Variants in CNTN6 observed in about 807,000 individuals in gnomAD.
The protein encoded by CNTN6 is contactin 6.
CNTN6 carries 137 observed loss-of-function variants against 122.8 expected under a neutral mutation model. The observed-to-expected ratio is 1.12, with a 90% confidence interval of 0.97 to 1.29. The LOEUF (loss-of-function observed/expected upper bound fraction) is 1.29. CNTN6 is among the 50% of genes most tolerant of loss of function. The pLI is 0.00. For missense variants in CNTN6, 1,634 were observed against 1,223.4 expected (o/e 1.34, Z -5.01); for synonymous variants, 570 against 426.0 (o/e 1.34, Z -4.16).
chr3:1,166,211 C>T (rs1334905708), intron 2 of CNTN6, among the ~76,000 whole-genome samples: 13 of 152,114 alleles, frequency 8.5e-5, no homozygotes, highest in Admixed American at 7.2e-4. Context: ...AAGGAGTTAT[C>T]GTGGGAGTGG....
chr3:1,214,553 AC>A (rs2094103025), intron 2 of CNTN6, among the ~76,000 whole-genome samples: 1 of 151,214 alleles, frequency 6.6e-6, no homozygotes, highest in South Asian at 2.1e-4. Context: ...CAGGCGATCC[AC>A]CCACCTCCAC....
At chr3:1,119,106 T>C (rs1470686377) in intron 1 of CNTN6, among the ~76,000 whole-genome samples, 1 of 151,998 alleles carries the variant, frequency 6.6e-6, no homozygotes, top group East Asian at 1.9e-4. Context: ...TTGGAAAGTG[T>C]GCCACAGGCT....
chr3:1,192,243 T>G (rs527623234), intron 2 of CNTN6, among the ~76,000 whole-genome samples: 1 of 152,296 alleles, frequency 6.6e-6, no homozygotes, highest in South Asian at 2.1e-4. Context: ...TTCTCACTTT[T>G]CTGAAGTGCT....
At chr3:1,368,471 A>G (rs1249230552) in intron 12 of CNTN6, among the ~76,000 whole-genome samples, 1 of 152,226 alleles carries the variant, frequency 6.6e-6, no homozygotes, top group Non-Finnish European at 1.5e-5. Context: ...ACTACAGTCT[A>G]TAAAACAGTC....
intron 1 of CNTN6, among the ~76,000 whole-genome samples, chr3:1,111,759 A>G (rs1027026550): frequency 2.6e-5 from 4 of 152,138 alleles, no homozygotes; most frequent in Non-Finnish European, 5.9e-5. Flanking sequence ...TGTTGTGGTA[A>G]AAAGGAAATA....
intron 2 of CNTN6, among the ~76,000 whole-genome samples, chr3:1,178,520 T>G (rs2093494497): frequency 1.3e-5 from 2 of 152,198 alleles, no homozygotes; most frequent in Non-Finnish European, 2.9e-5. Flanking sequence ...TAGAGTTATT[T>G]CAAATTCTCT....
At chr3:1,298,031 T>C (rs1696582907) in intron 7 of CNTN6, 40 bp downstream of exon 7, 26 of 1,468,004 alleles carry the variant, frequency 1.8e-5, no homozygotes, top group Non-Finnish European at 2.4e-5. Context: ...CTGGTTGCAT[T>C]AATTTTTTTT....
intron 2 of CNTN6, among the ~76,000 whole-genome samples, chr3:1,213,116 A>G (rs1403215988): frequency 1.3e-5 from 2 of 152,192 alleles, no homozygotes; most frequent in East Asian, 3.8e-4. Context: ...AAACTGCTGT[A>G]TGTATATATT....
At chr3:1,309,482 C>G (rs115731745) in intron 7 of CNTN6, among the ~76,000 whole-genome samples, 3 of 152,146 alleles carry the variant, frequency 2.0e-5, no homozygotes, top group African/African-American at 7.2e-5. Flanking sequence ...TTCCATTGCT[C>G]TGTCTATTCT....
chr3:1,107,816 A>G (rs1213572778), intron 1 of CNTN6, among the ~76,000 whole-genome samples: 1 of 152,042 alleles, frequency 6.6e-6, no homozygotes. Flanking sequence ...AATAATACCA[A>G]ATTGATATGC....
At chr3:1,338,577 G>A (rs532619452) in intron 11 of CNTN6, among the ~76,000 whole-genome samples, 1 of 152,094 alleles carries the variant, frequency 6.6e-6, no homozygotes, top group Admixed American at 6.6e-5. Flanking sequence ...CTATCTCACT[G>A]TTGAAGAGAT....
intron 1 of CNTN6, among the ~76,000 whole-genome samples, chr3:1,102,121 A>T (rs903035135): frequency 6.6e-6 from 1 of 152,322 alleles, no homozygotes; most frequent in East Asian, 1.9e-4. Context: ...AGAGGCCAAC[A>T]TGAATGAGCT....
At chr3:1,095,163 C>T (rs1344185117) in intron 1 of CNTN6, among the ~76,000 whole-genome samples, 1 of 136,356 alleles carries the variant, frequency 7.3e-6, no homozygotes, top group African/African-American at 3.7e-5. Flanking sequence ...GAGATCTTAT[C>T]CTACACTTAA....
intron 19 of CNTN6, among the ~76,000 whole-genome samples, chr3:1,385,348 A>G (rs1179709699): frequency 6.6e-6 from 1 of 151,854 alleles, no homozygotes; most frequent in Non-Finnish European, 1.5e-5. Flanking sequence ...TAGATAGCTC[A>G]TAAAATACTT....
At chr3:1,340,377 C>G (rs966087904) in intron 11 of CNTN6, among the ~76,000 whole-genome samples, 3 of 152,196 alleles carry the variant, frequency 2.0e-5, no homozygotes, top group Admixed American at 1.3e-4. Flanking sequence ...ACATGTTGTC[C>G]AAATACTGAT....
At chr3:1,272,251 C>G (rs1338827876) in intron 4 of CNTN6, among the ~76,000 whole-genome samples, 1 of 152,154 alleles carries the variant, frequency 6.6e-6, no homozygotes, top group Non-Finnish European at 1.5e-5. Flanking sequence ...TGAAAATTGA[C>G]TAATACTCAA....
chr3:1,098,758 A>G (rs941360543), intron 1 of CNTN6, among the ~76,000 whole-genome samples: 1 of 83,368 alleles, frequency 1.2e-5, no homozygotes, highest in Non-Finnish European at 2.1e-5. Flanking sequence ...GCAGTAATGC[A>G]CACACACACA....
At chr3:1,117,504 A>G (rs892250751) in intron 1 of CNTN6, among the ~76,000 whole-genome samples, 2 of 152,138 alleles carry the variant, frequency 1.3e-5, no homozygotes, top group Non-Finnish European at 2.9e-5. Context: ...TGACCTTACT[A>G]AGTTCTTTAA....
At chr3:1,121,488 G>C (rs986553037) in intron 1 of CNTN6, among the ~76,000 whole-genome samples, 1 of 151,760 alleles carries the variant, frequency 6.6e-6, no homozygotes, top group Non-Finnish European at 1.5e-5. Flanking sequence ...ATTAAAACAA[G>C]AGCTACAATA....
Sources: gnomAD v4.1 joint callset for allele counts (sites outside exome capture counted in the v4.1 genomes callset) on GRCh38, gnomAD v4.1.1 for gene constraint, MANE v1.5 for transcripts, NCBI Gene and HGNC (gene_info 2026-07-23, HGNC 2026-07-21) for gene names.